Variants in TMEM117 observed in about 807,000 individuals in gnomAD.
TMEM117 encodes transmembrane protein 117.
In TMEM117, 27 loss-of-function variants were observed where a neutral mutation model predicts 52.4. The observed-to-expected ratio is 0.51, with a 90% CI of 0.38 to 0.71. The LOEUF (loss-of-function observed/expected upper bound fraction) is 0.71. TMEM117 is among the 30% of genes least tolerant of loss of function. The pLI is 0.00. For synonymous variants in TMEM117, 215 were observed against 206.3 expected (o/e 1.04, Z -0.36); for missense variants, 556 against 630.5 (o/e 0.88, Z 1.26).
intron 2 of TMEM117, among the ~76,000 whole-genome samples, chr12:43,912,073 A>T (rs202165738): frequency 1.8e-4 from 26 of 145,826 alleles, no homozygotes; most frequent in Non-Finnish European, 2.4e-4. Flanking sequence ...CACTATTCAC[A>T]ATAGCAAAGA....
chr12:44,270,701 A>G (rs1247671791), intron 5 of TMEM117, among the ~76,000 whole-genome samples: 1 of 152,034 alleles, frequency 6.6e-6, no homozygotes, highest in Non-Finnish European at 1.5e-5. Context: ...CCAGTTCTCA[A>G]AGGGAATGCT....
intron 4 of TMEM117, 57 bp downstream of exon 4, chr12:44,143,681 T>A: frequency 7.7e-7 from 1 of 1,294,306 alleles, no homozygotes; most frequent in Middle Eastern, 1.9e-4. Flanking sequence ...ATGTTCACAG[T>A]GTTGGACAGA....
chr12:43,965,548 A>T (rs866733124), intron 3 of TMEM117, among the ~76,000 whole-genome samples: 1 of 152,192 alleles, frequency 6.6e-6, no homozygotes, highest in Non-Finnish European at 1.5e-5. Flanking sequence ...AGGCTTGCTC[A>T]TATTTTTCTG....
intron 3 of TMEM117, among the ~76,000 whole-genome samples, chr12:44,122,579 A>C (rs1948255313): frequency 6.6e-6 from 1 of 152,110 alleles, no homozygotes; most frequent in Non-Finnish European, 1.5e-5. Context: ...CCACCCTCTG[A>C]GAGGCCCCAG....
chr12:44,128,132 C>A (rs1253047293), intron 3 of TMEM117, among the ~76,000 whole-genome samples: 2 of 152,210 alleles, frequency 1.3e-5, no homozygotes, highest in African/African-American at 4.8e-5. Flanking sequence ...ATATCCTCTG[C>A]CTCTCCAGCC....
intron 3 of TMEM117, among the ~76,000 whole-genome samples, chr12:44,036,026 T>A (rs1208923542): frequency 6.6e-6 from 1 of 152,194 alleles, no homozygotes; most frequent in Admixed American, 6.5e-5. Flanking sequence ...TTCTCTGATA[T>A]TTAGCTCTGT....
At chr12:43,838,324 C>CT (rs1943064960) in intron 1 of TMEM117, among the ~76,000 whole-genome samples, 1 of 151,794 alleles carries the variant, frequency 6.6e-6, no homozygotes. Context: ...TTTCATACCC[C>CT]TTGTGGGCTC....
chr12:44,253,533 G>A (rs530290575), intron 5 of TMEM117, among the ~76,000 whole-genome samples: 132 of 152,170 alleles, frequency 8.7e-4, no homozygotes, highest in Middle Eastern at 3.4e-3. Context: ...TTCAGTTGTG[G>A]GTTATAAGGA....
intron 4 of TMEM117, among the ~76,000 whole-genome samples, chr12:44,155,811 G>A (rs967632016): frequency 6.6e-6 from 1 of 152,042 alleles, no homozygotes; most frequent in Non-Finnish European, 1.5e-5. Context: ...CACCTGACAG[G>A]GAGTCCTGCT....
chr12:44,029,556 TC>T (rs1946599881), intron 3 of TMEM117, among the ~76,000 whole-genome samples: 1 of 152,210 alleles, frequency 6.6e-6, no homozygotes, highest in Admixed American at 6.5e-5. Context: ...GGGGGGTCTT[TC>T]TTTGGCCTCC....
chr12:43,957,973 A>G (rs1403948080), intron 3 of TMEM117, among the ~76,000 whole-genome samples: 1 of 152,216 alleles, frequency 6.6e-6, no homozygotes, highest in Non-Finnish European at 1.5e-5. Context: ...TGATTGTCTC[A>G]TTAATGAATC....
At chr12:43,926,918 T>C (rs1355022457) in intron 2 of TMEM117, among the ~76,000 whole-genome samples, 2 of 152,014 alleles carry the variant, frequency 1.3e-5, no homozygotes, top group Admixed American at 1.3e-4. Context: ...TGCCTTTGAC[T>C]TAATTATTTT....
chr12:43,800,130 A>T, the TMEM117 span, among the ~76,000 whole-genome samples: 1 of 152,144 alleles, frequency 6.6e-6, no homozygotes, highest in Non-Finnish European at 1.5e-5. Context: ...ACAAACAAAA[A>T]AGTTCAAAAA....
At chr12:44,275,960 G>A (rs927639837) in intron 5 of TMEM117, among the ~76,000 whole-genome samples, 5 of 152,060 alleles carry the variant, frequency 3.3e-5, no homozygotes, top group Admixed American at 1.3e-4. Flanking sequence ...TGCATTGTTC[G>A]TAAGACAAGG....
At chr12:44,200,163 CAAAA>C (rs900788321) in intron 4 of TMEM117, among the ~76,000 whole-genome samples, 12 of 151,880 alleles carry the variant, frequency 7.9e-5, no homozygotes, top group African/African-American at 1.9e-4. Context: ...AAAATAGAAA[CAAAA>C]AAACCCCTTA....
intron 2 of TMEM117, among the ~76,000 whole-genome samples, chr12:43,864,710 A>T (rs1285937882): frequency 6.6e-6 from 1 of 152,180 alleles, no homozygotes; most frequent in African/African-American, 2.4e-5. Flanking sequence ...GAAATAGACC[A>T]ATCGACTCTC....
chr12:44,149,907 A>C (rs753630548), intron 4 of TMEM117, among the ~76,000 whole-genome samples: 1 of 152,252 alleles, frequency 6.6e-6, no homozygotes, highest in African/African-American at 2.4e-5. Context: ...AATTTAAACC[A>C]TGAAACTTGG....
At chr12:44,094,286 A>T (rs1275365110) in intron 3 of TMEM117, among the ~76,000 whole-genome samples, 1 of 152,138 alleles carries the variant, frequency 6.6e-6, no homozygotes, top group Non-Finnish European at 1.5e-5. Context: ...TGTGTGGTGC[A>T]TGTCAATGTC....
the TMEM117 span, among the ~76,000 whole-genome samples, chr12:44,397,946 G>C: frequency 6.6e-6 from 1 of 152,186 alleles, no homozygotes; most frequent in East Asian, 1.9e-4. Flanking sequence ...CTTTCTGCCT[G>C]CTTGGCATTT....
Sources: gnomAD v4.1 joint callset for allele counts (sites outside exome capture counted in the v4.1 genomes callset) on GRCh38, gnomAD v4.1.1 for gene constraint, MANE v1.5 for transcripts, NCBI Gene and HGNC (gene_info 2026-07-23, HGNC 2026-07-21) for gene names.